The following AGAP1 variants were observed in gnomAD, a reference collection of about 807,000 sequenced individuals.
AGAP1 encodes ArfGAP with GTPase domain, ankyrin repeat and PH domain 1.
AGAP1 carries 29 observed loss-of-function variants against 105.3 expected under a neutral mutation model. The ratio of observed to expected loss-of-function variants is 0.28; its 90% CI spans 0.21 to 0.38. The LOEUF is 0.38. Among genes scored for constraint, AGAP1 ranks in the 10% least tolerant of loss-of-function variants. AGAP1 has a pLI of 1.00. For missense variants in AGAP1, 998 were observed against 1,165.1 expected (o/e 0.86, Z 2.09); for synonymous variants, 509 against 485.9 (o/e 1.05, Z -0.63).
chr2:236,077,868 T>C, intron 16 of AGAP1, among the ~76,000 whole-genome samples: 1 of 152,220 alleles, frequency 6.6e-6, no homozygotes, highest in South Asian at 2.1e-4. Context: ...AACATCACTG[T>C]GCTGCTCTCC....
intron 1 of AGAP1, among the ~76,000 whole-genome samples, chr2:235,627,128 T>TATCTTATA (rs1946663168): frequency 6.6e-6 from 1 of 151,958 alleles, no homozygotes; most frequent in Admixed American, 6.6e-5. Flanking sequence ...CAATTCAGTC[T>TATCTTATA]ATCTTATAAA....
rs115736511 is a variant in AGAP1, at chr2:235,701,803, C to T, written c.164-7376C>T. On this transcript the variant is annotated intron_variant, in intron 1 of 17. Coordinates refer to ENST00000304032, the MANE Select transcript of AGAP1 (RefSeq NM_001037131.3). This position sits in a 1 kb window ranked among gnomAD's most constrained non-coding sequence, Gnocchi z 4.1. Reference sequence around the variant, plus strand: ...CTATTTAAGACTCCACTTCCTTCCTCGGCACAGAACTGACAGGCTGTGGCA... The same window carrying T: ...CTATTTAAGACTCCACTTCCTTCCTTGGCACAGAACTGACAGGCTGTGGCA... Among the ~76,000 whole-genome samples, 846 of 152,160 alleles carry T rather than the reference C, an allele frequency of 5.6e-3. 8 individuals carry two copies. The highest frequency in any genetic ancestry group is 0.019 in the African/African-American group (785 of 41,506).
intron 1 of AGAP1, among the ~76,000 whole-genome samples, chr2:235,536,142 TAC>T (rs58090095): frequency 0.061 from 994 of 16,382 alleles, 38 homozygotes; most frequent in Admixed American, 0.069. Context: ...TGTGGCATCC[TAC>T]ACACACACAC....
chr2:235,705,889 T>A lies in AGAP1; in HGVS notation c.164-3290T>A, dbSNP rs1006079153. Among the ~76,000 whole-genome samples, 3 of 152,240 alleles carry A rather than the reference T, an allele frequency of 2.0e-5. No individual in the cohort carries two copies. The highest frequency in any genetic ancestry group is 7.2e-5 in the African/African-American group (3 of 41,458). On this transcript the variant is annotated intron_variant, in intron 1 of 17. Transcript: ENST00000304032. This position sits in a 1 kb window ranked among gnomAD's most constrained non-coding sequence, Gnocchi z 4.9. ...CACTGCTTAATTTATAATGAATATT[T>A]TATATTGTTAGAAAGTTAATCTTAT...
chr2:235,623,423 T>C lies in AGAP1; in HGVS notation c.164-85756T>C, dbSNP rs1288176945. Among the ~76,000 whole-genome samples, 1 of 152,210 alleles carries C rather than the reference T, an allele frequency of 6.6e-6. No homozygotes were observed. Among genetic ancestry groups the C allele is most frequent in the African/African-American group, 2.4e-5 (1 of 41,456 alleles). On this transcript the variant is annotated intron_variant, in intron 1 of 17. Coordinates refer to ENST00000304032, the MANE Select transcript of AGAP1 (RefSeq NM_001037131.3). The surrounding 1 kb of genome is among the most constrained non-coding windows in gnomAD (Gnocchi z 4.5). Reference sequence around the variant, plus strand: ...TGGTGGGTTATTAGACTTCACTTGGTCTGCACGTGGTGGCTTTGGGATTTG... The same window carrying C: ...TGGTGGGTTATTAGACTTCACTTGGCCTGCACGTGGTGGCTTTGGGATTTG...
intron 11 of AGAP1, among the ~76,000 whole-genome samples, chr2:235,925,164 G>A (rs569630892): frequency 6.6e-6 from 1 of 152,272 alleles, no homozygotes; most frequent in African/African-American, 2.4e-5. Flanking sequence ...TAAGACCCTT[G>A]TATTTGCGCG....
At chr2:235,798,242 G>T (rs996063946) in intron 7 of AGAP1, among the ~76,000 whole-genome samples, 1 of 152,038 alleles carries the variant, frequency 6.6e-6, no homozygotes, top group Non-Finnish European at 1.5e-5. Flanking sequence ...GGCCAATCTC[G>T]CTTTATACTT....
chr2:235,852,860 G>A lies in AGAP1; in HGVS notation c.1051-30485G>A, dbSNP rs557297963. On this transcript the variant is annotated intron_variant, in intron 9 of 17. Coordinates refer to ENST00000304032, the MANE Select transcript of AGAP1 (RefSeq NM_001037131.3). ...CGGGGCCATGATGAATTAGCGGTGG[G>A]AGTTAACATAGAGGTGAACTCCAGA... 1.7e-5 allele frequency: 25 copies of A among 1,434,632 alleles called. No individual in the cohort carries two copies. The African/African-American group carries it at 2.5e-4, about 15-fold the overall frequency. 88.9% of individuals were successfully genotyped at this position (1,434,632 alleles called of 1,614,324 possible). A position where few individuals can be genotyped will look rare whatever the true frequency, so the allele number is the denominator to read the frequency against.
chr2:235,591,983 A>G (rs1212588899), intron 1 of AGAP1, among the ~76,000 whole-genome samples: 3 of 152,014 alleles, frequency 2.0e-5, no homozygotes, highest in African/African-American at 4.8e-5. Flanking sequence ...AGCTTCCTGT[A>G]TAGCCTTCAG....
In AGAP1 at chr2:235,586,571, G is replaced by GT. The variant is rs1280278421; in HGVS notation, c.163+91723dup. ...CAGAGGATGCTGTGCACAGGCCTGTGTGACCTGAAGGCCCTTGCAGGCTGA... is the reference window on the plus strand; with the variant it reads ...CAGAGGATGCTGTGCACAGGCCTGTGTTGACCTGAAGGCCCTTGCAGGCTGA... On this transcript the variant is annotated intron_variant, in intron 1 of 17. Coordinates refer to ENST00000304032, the MANE Select transcript of AGAP1 (RefSeq NM_001037131.3). The surrounding 1 kb of genome is among the most constrained non-coding windows in gnomAD (Gnocchi z 4.2). Among the ~76,000 whole-genome samples, 2 of 152,230 alleles carry GT rather than the reference G, an allele frequency of 1.3e-5. No homozygotes were observed. Among genetic ancestry groups the GT allele is most frequent in the Non-Finnish European group, 2.9e-5 (2 of 68,040 alleles).
chr2:235,781,004 A>G (rs1956227824), intron 6 of AGAP1, among the ~76,000 whole-genome samples: 1 of 152,182 alleles, frequency 6.6e-6, no homozygotes, highest in South Asian at 2.1e-4. Context: ...TTCTCTGGAC[A>G]ATTATTTAAG....
In AGAP1 at chr2:235,612,459, C is replaced by T. The variant is rs890238450; in HGVS notation, c.164-96720C>T. ...GATCTCAGGGGCAGCGCCTAGAGTG[C>T]TGGGCCCTTCCAGATGATCTATGAA... On this transcript the variant is annotated intron_variant, in intron 1 of 17. Coordinates refer to ENST00000304032, the MANE Select transcript of AGAP1 (RefSeq NM_001037131.3). The surrounding 1 kb of genome is among the most constrained non-coding windows in gnomAD (Gnocchi z 4.3). Among the ~76,000 whole-genome samples the T allele has an allele frequency of 6.6e-6, 1 of 152,238 alleles. No individual in the cohort carries two copies. Among genetic ancestry groups the T allele is most frequent in the African/African-American group, 2.4e-5 (1 of 41,460 alleles).
chr2:236,121,575 A>G lies in AGAP1; in HGVS notation c.2370+1128A>G, dbSNP rs998397083. On this transcript the variant is annotated intron_variant, in intron 17 of 17. Transcript: ENST00000304032. This position sits in a 1 kb window ranked among gnomAD's most constrained non-coding sequence, Gnocchi z 4.9. ...CGGCCTCCCAAAGTGCTGGGAGTAC[A>G]GGCATGACCCACCACGCCCAGCCTT... 6.6e-6 allele frequency among the ~76,000 whole-genome samples: 1 copy of G among 152,196 alleles called. No individual in the cohort carries two copies. Among genetic ancestry groups the G allele is most frequent in the Non-Finnish European group, 1.5e-5 (1 of 68,030 alleles).
At position 235,556,010 on chromosome 2, in the gene AGAP1, TG is replaced by T. The variant is rs971046456; in HGVS notation, c.163+61162del. Among the ~76,000 whole-genome samples the T allele has an allele frequency of 2.6e-5, 4 of 152,202 alleles. No homozygotes were observed. The highest frequency in any genetic ancestry group is 9.6e-5 in the African/African-American group (4 of 41,464). ...CCTATCTGCTGTGTCCTTGTGTTTCTGCCTGTGGGGCACGTGGGACATGTGA... is the reference window on the plus strand; with the variant it reads ...CCTATCTGCTGTGTCCTTGTGTTTCTCCTGTGGGGCACGTGGGACATGTGA... On this transcript the variant is annotated intron_variant, in intron 1 of 17. Transcript: ENST00000304032. The surrounding 1 kb of genome is among the most constrained non-coding windows in gnomAD (Gnocchi z 5.3).
At position 235,557,379 on chromosome 2, in the gene AGAP1, G is replaced by A. The variant is rs1202473205; in HGVS notation, c.163+62530G>A. Among the ~76,000 whole-genome samples the A allele has an allele frequency of 1.3e-5, 2 of 152,142 alleles. No individual in the cohort carries two copies. The highest frequency in any genetic ancestry group is 4.8e-5 in the African/African-American group (2 of 41,440). On this transcript the variant is annotated intron_variant, in intron 1 of 17. Coordinates refer to ENST00000304032, the MANE Select transcript of AGAP1 (RefSeq NM_001037131.3). The surrounding 1 kb of genome is among the most constrained non-coding windows in gnomAD (Gnocchi z 4.7). ...TGGAAAGGCTTGTCCATGTATCGCC[G>A]TTGGGAAGGGAAATCACTCCGAAGA...
Position 235,964,138 on chromosome 2 carries a change from T to C in AGAP1, c.1484-4324T>C, listed in dbSNP as rs1334358638. ...GTCCTAACTGTGGGCTCCGTGGGAG[T>C]GTAGAGATGAGAAATGTTAGTTTGG... On this transcript the variant is annotated intron_variant, in intron 12 of 17. Coordinates refer to ENST00000304032, the MANE Select transcript of AGAP1 (RefSeq NM_001037131.3). The surrounding 1 kb of genome is among the most constrained non-coding windows in gnomAD (Gnocchi z 4.6). Among the ~76,000 whole-genome samples the C allele has an allele frequency of 1.3e-5, 2 of 150,906 alleles. No individual in the cohort carries two copies. Among genetic ancestry groups the C allele is most frequent in the Non-Finnish European group, 2.9e-5 (2 of 67,814 alleles).
intron 1 of AGAP1, among the ~76,000 whole-genome samples, chr2:235,573,865 C>G (rs1944651795): frequency 1.3e-5 from 2 of 152,216 alleles, no homozygotes; most frequent in African/African-American, 4.8e-5. Flanking sequence ...CTGAGCCTGG[C>G]CAGCTGAGAG....
At position 235,740,665 on chromosome 2, in the gene AGAP1, T is replaced by G. The variant is rs1057116669; in HGVS notation, c.311-298T>G. Among the ~76,000 whole-genome samples the G allele has an allele frequency of 6.6e-6, 1 of 152,250 alleles. No homozygotes were observed. Among genetic ancestry groups the G allele is most frequent in the Non-Finnish European group, 1.5e-5 (1 of 68,050 alleles). ...TTCTCTGTTTCCCAGTGAGTGAGAA[T>G]TCCTGAATTTACATAGAAAGCCCAC... is the stretch of plus-strand genomic sequence containing the variant. On this transcript the variant is annotated intron_variant, in intron 3 of 17. Coordinates refer to ENST00000304032, the MANE Select transcript of AGAP1 (RefSeq NM_001037131.3). The surrounding 1 kb of genome is among the most constrained non-coding windows in gnomAD (Gnocchi z 5.7).
chr2:235,930,682 C>G lies in AGAP1; in HGVS notation c.1325-83C>G. The G allele has an allele frequency of 7.1e-7, 1 of 1,410,594 alleles. No individual in the cohort carries two copies. The highest frequency in any genetic ancestry group is 9.6e-7 in the Non-Finnish European group (1 of 1,036,508). 87.4% of individuals were successfully genotyped at this position (1,410,594 alleles called of 1,614,324 possible). A position where few individuals can be genotyped will look rare whatever the true frequency, so the allele number is the denominator to read the frequency against. On this transcript the variant is annotated intron_variant, in intron 11 of 17. Transcript: ENST00000304032. The surrounding 1 kb of genome is among the most constrained non-coding windows in gnomAD (Gnocchi z 7.9). ...GGTGGTAAGGTGCACTATGTGCCAG[C>G]GTGTGGGTCCCATAGACTAACTCGC...
Sources: allele counts gnomAD v4.1 joint callset (sites outside exome capture counted in the v4.1 genomes callset), GRCh38; gene constraint gnomAD v4.1.1; non-coding constraint Gnocchi (gnomAD v3.1); transcripts MANE v1.5; gene names NCBI Gene and HGNC (gene_info 2026-07-23, HGNC 2026-07-21).